TRIM36: variants seen among roughly 807,000 people sequenced by gnomAD.
TRIM36 encodes tripartite motif containing 36, also known as E3 ubiquitin-protein ligase TRIM36.
Under a neutral mutation model 72.4 loss-of-function variants are expected in TRIM36, and 42 were observed. That is an observed-to-expected ratio of 0.58 (90% CI 0.45 to 0.75). TRIM36 has a LOEUF of 0.75. Among genes scored for constraint, TRIM36 ranks in the 30% least tolerant of loss-of-function variants. TRIM36 has a pLI of 0.00. For synonymous variants in TRIM36, 315 were observed against 282.8 expected, an observed-to-expected ratio of 1.11 and a Z score of -1.14; for missense variants, 913 against 857.1, an observed-to-expected ratio of 1.07 and a Z score of -0.81.
chr5:115,174,445 C>A (rs544630026), upstream of TRIM36, among the ~76,000 whole-genome samples: 111 of 152,136 alleles, frequency 7.3e-4, 1 homozygote, highest in Admixed American at 1.2e-3. Flanking sequence ...GCACACGGAC[C>A]ACCTATACTG....
upstream of TRIM36, chr5:115,171,331 G>T: frequency 6.8e-7 from 1 of 1,476,358 alleles, no homozygotes; most frequent in Non-Finnish European, 9.2e-7. Context: ...GCTTTGCCAG[G>T]TAATAATGCC....
intron 1 of TRIM36, among the ~76,000 whole-genome samples, chr5:115,179,536 G>A (rs1215362452): frequency 1.3e-5 from 2 of 152,212 alleles, no homozygotes; most frequent in African/African-American, 2.4e-5. Flanking sequence ...CGCACACTTC[G>A]AGCCTGTTCA....
At chr5:115,171,334 AT>A, upstream of TRIM36, 1 of 1,449,530 alleles carries the variant, frequency 6.9e-7, no homozygotes, top group Non-Finnish European at 9.4e-7. Flanking sequence ...TTGCCAGGTA[AT>A]AATGCCTGGG....
At chr5:115,170,275 A>G (rs1755040729), upstream of TRIM36, among the ~76,000 whole-genome samples, 1 of 152,076 alleles carries the variant, frequency 6.6e-6, no homozygotes, top group South Asian at 2.1e-4. Context: ...CCGCTGCAGC[A>G]GAGCAGCCGG....
At chr5:115,178,418 T>A (rs1392947468) in intron 1 of TRIM36, among the ~76,000 whole-genome samples, 3 of 152,188 alleles carry the variant, frequency 2.0e-5, no homozygotes, top group African/African-American at 7.2e-5. Flanking sequence ...TGCCTGCACC[T>A]CTCGCTCTTT....
In TRIM36 at chr5:115,130,699, G is replaced by A; in HGVS notation, c.1689C>T (p.Phe563=). Residue 563 remains phenylalanine (F), a synonymous_variant, in exon 9 of 10, where the codon TTC becomes TTT. Coordinates refer to ENST00000513154, the MANE Select transcript of TRIM36 (RefSeq NM_001300759.2). ...AATATGGTTCCACACGGAAGGCCCA[G>A]AAGTGTTTTCCTTTTGTAATGCCAG... is the stretch of plus-strand genomic sequence containing the variant. The part of the protein sequence containing the change: ...GDTGITKGKH[F]WAFRVEPYSY... 6.2e-7 allele frequency: 1 copy of A among 1,614,196 alleles called. No homozygotes were observed. Among genetic ancestry groups the A allele is most frequent in the Non-Finnish European group, 8.5e-7 (1 of 1,180,036 alleles).
chr5:115,140,263 TA>T, intron 5 of TRIM36, among the ~76,000 whole-genome samples: 1 of 152,326 alleles, frequency 6.6e-6, no homozygotes, highest in South Asian at 2.1e-4. Context: ...ATTTAATTAC[TA>T]AAAATCAGGA....
chr5:115,128,556 T>A (rs1006510785), intron 9 of TRIM36, among the ~76,000 whole-genome samples: 1 of 148,314 alleles, frequency 6.7e-6, no homozygotes, highest in Non-Finnish European at 1.5e-5. Context: ...ATCGAGACCA[T>A]CCTGGCTAAC....
chr5:115,177,402 C>T, intron 1 of TRIM36: 1 of 475,514 alleles, frequency 2.1e-6, no homozygotes, highest in Non-Finnish European at 2.9e-6. Context: ...GGGCGGAGGG[C>T]AGGCCAACTA....
intron 3 of TRIM36, 92 bp downstream of exon 3, chr5:115,146,977 G>A: frequency 8.0e-7 from 1 of 1,249,476 alleles, no homozygotes; most frequent in South Asian, 1.6e-5. Flanking sequence ...TCAAGTTCTA[G>A]ACTTAATAAT....
intron 7 of TRIM36, among the ~76,000 whole-genome samples, chr5:115,135,163 G>C (rs767984996): frequency 6.6e-6 from 1 of 152,076 alleles, no homozygotes; most frequent in Non-Finnish European, 1.5e-5. Flanking sequence ...CCTTTCTATA[G>C]AGCCAATTCC....
At chr5:115,144,561 C>A in intron 4 of TRIM36, 37 bp downstream of exon 4, 6 of 1,611,212 alleles carry the variant, frequency 3.7e-6, no homozygotes, top group Non-Finnish European at 5.1e-6. Context: ...AGTAAAGTTA[C>A]GAAGAATCAA....
In TRIM36 at chr5:115,157,720, C is replaced by T. The variant is rs192657502; in HGVS notation, c.262+5798G>A. On this transcript the variant is annotated intron_variant, in intron 2 of 9. Coordinates refer to ENST00000513154, the MANE Select transcript of TRIM36 (RefSeq NM_001300759.2). ...AGCAGTTGCAAAAACGTGGAAAAAA[C>T]CCAAATGCCTATGAATTGAGAAGAA... Among the ~76,000 whole-genome samples the T allele has an allele frequency of 2.4e-3, 366 of 152,180 alleles. 1 individual carries two copies. The highest frequency in any genetic ancestry group is 8.4e-3 in the African/African-American group (348 of 41,496).
chr5:115,127,985 T>C (rs1752442367), intron 9 of TRIM36, among the ~76,000 whole-genome samples: 1 of 151,538 alleles, frequency 6.6e-6, no homozygotes, highest in Non-Finnish European at 1.5e-5. Flanking sequence ...TGACCCTGGA[T>C]AGGCTATTAT....
intron 2 of TRIM36, among the ~76,000 whole-genome samples, chr5:115,163,138 G>A (rs994513703): frequency 2.1e-4 from 32 of 151,956 alleles, no homozygotes; most frequent in African/African-American, 6.5e-4. Context: ...TGTATTTTTA[G>A]TAGAGATGGA....
At chr5:115,159,591 A>C (rs1439195770) in intron 2 of TRIM36, 3 of 440,698 alleles carry the variant, frequency 6.8e-6, no homozygotes, top group Non-Finnish European at 1.3e-5. Flanking sequence ...TTTAATTTAA[A>C]TCTAACACTA....
chr5:115,131,155 T>G (rs1752653892), intron 8 of TRIM36, among the ~76,000 whole-genome samples: 2 of 152,180 alleles, frequency 1.3e-5, no homozygotes, highest in South Asian at 4.1e-4. Context: ...AACAGCTCTT[T>G]GGAATACAGA....
Position 115,176,558 on chromosome 5 carries a change from C to T in TRIM36, c.63+3417G>A, listed in dbSNP as rs184586872. On this transcript the variant is annotated intron_variant, in intron 1 of 9. Transcript: ENST00000282369. ...ACAGTAAATATTAAATTATGGGAACCGAATGTACCTTCTGGCTATTTACAC... is the reference window on the plus strand; with the variant it reads ...ACAGTAAATATTAAATTATGGGAACTGAATGTACCTTCTGGCTATTTACAC... Among the ~76,000 whole-genome samples, 370 of 152,142 alleles carry T rather than the reference C, an allele frequency of 2.4e-3. 2 individuals carry two copies. Among genetic ancestry groups the T allele is most frequent in the African/African-American group, 7.9e-3 (328 of 41,500 alleles).
chr5:115,145,835 G>A (rs1021657052), intron 3 of TRIM36, among the ~76,000 whole-genome samples: 1 of 152,206 alleles, frequency 6.6e-6, no homozygotes, highest in Non-Finnish European at 1.5e-5. Flanking sequence ...CATCCCCAAA[G>A]CCATTACATT....
Sources: gnomAD v4.1 joint callset for allele counts (sites outside exome capture counted in the v4.1 genomes callset) on GRCh38, gnomAD v4.1.1 for gene constraint, MANE v1.5 for transcripts, NCBI Gene and HGNC (gene_info 2026-07-23, HGNC 2026-07-21) for gene names.